Variants in PTGER1 observed in about 807,000 individuals in gnomAD.
PTGER1 encodes prostaglandin E2 receptor EP1 subtype.
PTGER1 carries 15 observed loss-of-function variants against 18.5 expected under a neutral mutation model. That is an observed-to-expected ratio of 0.81 (90% CI 0.54 to 1.25). The LOEUF (loss-of-function observed/expected upper bound fraction) is 1.25, where lower values mean the gene tolerates loss of function less well. PTGER1 is among the 50% of genes most tolerant of loss of function. The pLI, the probability that PTGER1 is intolerant of heterozygous loss-of-function variation, is 0.00. For synonymous variants in PTGER1, 339 were observed against 308.4 expected (o/e 1.10, Z -1.04); for missense variants, 567 against 603.4 (o/e 0.94, Z 0.63).
chr19:14,472,863 CGGGCGCAGGG>C (rs1036995670), intron 2 of PTGER1, 37 bp from the exon 3 acceptor site: 79 of 1,518,202 alleles, frequency 5.2e-5, no homozygotes, highest in Non-Finnish European at 6.6e-5. Context: ...AGAGCAGGCG[CGGGCGCAGGG>C]GGGCGCAGGG....
chr19:14,474,123 G>A lies in PTGER1; in HGVS notation c.198C>T (p.Arg66=), dbSNP rs753753222. 1.4e-6 allele frequency: 2 copies of A among 1,437,092 alleles called. No homozygotes were observed. The highest frequency in any genetic ancestry group is 2.8e-5 in the South Asian group (2 of 71,708). The allele number at this position is 1,437,092 out of a possible 1,614,324, so 89.0% of individuals were successfully genotyped here. The change falls in exon 2 of 3, where the codon CGC becomes CGT. Residue 66 remains arginine, a synonymous_variant. Transcript: ENST00000292513. This position sits in a 1 kb window ranked among gnomAD's most constrained non-coding sequence, Gnocchi z 5.4. ...GCAGGAAGGTGGCGGCCGAGCGGCG[G>A]CGTCGCAGGCGGCCCGCGGCCTGCG... The part of the protein sequence containing the change: ...LLAQAAGRLR[R]RRSAATFLLF...
chr19:14,474,464 G>T lies in PTGER1; in HGVS notation c.-17-127C>A. On this transcript the variant is annotated intron_variant, in intron 1 of 2. Transcript: ENST00000292513. The surrounding 1 kb of genome is among the most constrained non-coding windows in gnomAD (Gnocchi z 5.4). Reference sequence around the variant, plus strand: ...GTTCTCAGGCGGCCCCTCTGCCCATGGCAGTTGCCATGGGCAACTCCAAAT... The same window carrying T: ...GTTCTCAGGCGGCCCCTCTGCCCATTGCAGTTGCCATGGGCAACTCCAAAT... 1 of 1,111,940 alleles carries T rather than the reference G, an allele frequency of 9.0e-7. No homozygotes were observed. The highest frequency in any genetic ancestry group is 1.2e-6 in the Non-Finnish European group (1 of 836,242). 68.9% of individuals were successfully genotyped at this position (1,111,940 alleles called of 1,614,324 possible). A position where few individuals can be genotyped will look rare whatever the true frequency, so the allele number is the denominator to read the frequency against.
Position 14,473,430 on chromosome 19 carries a change from G to A in PTGER1, c.891C>T (p.Gly297=). Residue 297 remains glycine, a synonymous_variant, in exon 2 of 3, where the codon GGC becomes GGT. Coordinates refer to ENST00000292513, the MANE Select transcript of PTGER1 (RefSeq NM_000955.3). The surrounding 1 kb of genome is among the most constrained non-coding windows in gnomAD (Gnocchi z 7.1). ...RARAHDVEMV[G]QLVGIMVVSC... ...ACACCACCATGATACCGACAAGCTG[G>A]CCCACCATCTCCACGTCGTGGGCGC... 1 of 1,598,992 alleles carries A rather than the reference G, an allele frequency of 6.3e-7. No homozygotes were observed. Among genetic ancestry groups the A allele is most frequent in the Non-Finnish European group, 8.5e-7 (1 of 1,175,324 alleles).
chr19:14,473,403 C>G lies in PTGER1; in HGVS notation c.918G>C (p.Ser306=). 6.3e-7 allele frequency: 1 copy of G among 1,595,268 alleles called. No homozygotes were observed. The highest frequency in any genetic ancestry group is 8.5e-7 in the Non-Finnish European group (1 of 1,173,876). ...CCAGCATTGGGCTCCAGCAGATGCA[C>G]GACACCACCATGATACCGACAAGCT... ...VGQLVGIMVV[S]CICWSPMLVL... Residue 306 remains serine (S), a synonymous_variant, in exon 2 of 3, where the codon TCG becomes TCC. Transcript: ENST00000292513. The surrounding 1 kb of genome is among the most constrained non-coding windows in gnomAD (Gnocchi z 7.1).
chr19:14,473,798 G>A lies in PTGER1; in HGVS notation c.523C>T (p.Arg175Cys). The change falls in exon 2 of 3, where the codon CGC becomes TGC. Residue 175 changes from arginine (R) to cysteine (C), a missense_variant. Coordinates refer to ENST00000292513, the MANE Select transcript of PTGER1 (RefSeq NM_000955.3). The surrounding 1 kb of genome is among the most constrained non-coding windows in gnomAD (Gnocchi z 7.1). ...TACTGCAGCTCATAGCGGCCCACGC[G>A]CGCCAGCGGCAGCAGCGCCACGGCC... ...ALAVALLPLA[R>C]VGRYELQYPG... 2.1e-6 allele frequency: 3 copies of A among 1,411,976 alleles called. No homozygotes were observed. The highest frequency in any genetic ancestry group is 2.8e-6 in the Non-Finnish European group (3 of 1,082,904). 87.5% of individuals were successfully genotyped at this position (1,411,976 alleles called of 1,614,324 possible).
rs2071582358 is a variant in PTGER1, at chr19:14,473,244, G to A, written c.942+135C>T. On this transcript the variant is annotated intron_variant, in intron 2 of 2. Coordinates refer to ENST00000292513, the MANE Select transcript of PTGER1 (RefSeq NM_000955.3). This position sits in a 1 kb window ranked among gnomAD's most constrained non-coding sequence, Gnocchi z 7.1. ...GAAGGCGATGCTGGCTTTCGGGGCA[G>A]GTGGGGCCTCTAGGGGCCGGGGCCT... 13 of 1,436,170 alleles carry A rather than the reference G, an allele frequency of 9.1e-6. No individual in the cohort carries two copies. In the East Asian group the frequency reaches 2.0e-4, roughly 23 times the overall value. The allele number at this position is 1,436,170 out of a possible 1,614,324, so 89.0% of individuals were successfully genotyped here. A position where few individuals can be genotyped will look rare whatever the true frequency, so the allele number is the denominator to read the frequency against.
Position 14,473,946 on chromosome 19 carries a change from C to G in PTGER1, c.375G>C (p.Leu125=). ...CCACGGCCATGCCACAGCCCAGCAG[C>G]AGCGGGCACAGGCCGAAGAAGACCA... ...GCMVFFGLCP[L]LLGCGMAVER... Residue 125 remains leucine (L), a synonymous_variant, in exon 2 of 3, where the codon CTG becomes CTC. Transcript: ENST00000292513. This position sits in a 1 kb window ranked among gnomAD's most constrained non-coding sequence, Gnocchi z 7.1. 6.8e-7 allele frequency: 1 copy of G among 1,476,248 alleles called. No individual in the cohort carries two copies. The highest frequency in any genetic ancestry group is 8.9e-7 in the Non-Finnish European group (1 of 1,118,324). The allele number at this position is 1,476,248 out of a possible 1,614,324, so 91.4% of individuals were successfully genotyped here. A position where few individuals can be genotyped will look rare whatever the true frequency, so the allele number is the denominator to read the frequency against.
chr19:14,472,899 C>A lies in PTGER1; in HGVS notation c.943-73G>T, dbSNP rs1432926526. Reference sequence around the variant, plus strand: ...GGGCGCAGGGATGGTGGGGGCGTGGCTGGAAGGTAAAAGCCTGGGAGGAGG... The same window carrying A: ...GGGCGCAGGGATGGTGGGGGCGTGGATGGAAGGTAAAAGCCTGGGAGGAGG... On this transcript the variant is annotated intron_variant, in intron 2 of 2. Transcript: ENST00000292513. The A allele has an allele frequency of 9.1e-6, 13 of 1,434,012 alleles. 1 individual carries two copies. In the Middle Eastern group the frequency reaches 7.1e-4, roughly 78 times the overall value. 88.8% of individuals were successfully genotyped at this position (1,434,012 alleles called of 1,614,324 possible). A position where few individuals can be genotyped will look rare whatever the true frequency, so the allele number is the denominator to read the frequency against.
rs771874680 is a variant in PTGER1, at chr19:14,472,641, G to C, written c.1128C>G (p.Pro376=). Reference sequence around the variant, plus strand: ...CGCTCGGTGTTAGGCCCAGCCCCGCGGGGCCGCCCTTGGCTCCGGCCCTCG... The same window carrying C: ...CGCTCGGTGTTAGGCCCAGCCCCGCCGGGCCGCCCTTGGCTCCGGCCCTCG... ...LPPRAGAKGG[P]AGLGLTPSAW... is the part of the protein sequence containing the mutation. Residue 376 remains proline, a synonymous_variant, in exon 3 of 3, where the codon CCC becomes CCG. Coordinates refer to ENST00000292513, the MANE Select transcript of PTGER1 (RefSeq NM_000955.3). 1 of 1,607,216 alleles carries C rather than the reference G, an allele frequency of 6.2e-7. No individual in the cohort carries two copies. The highest frequency in any genetic ancestry group is 1.1e-5 in the South Asian group (1 of 90,430).
At position 14,473,907 on chromosome 19, in the gene PTGER1, G is replaced by C. The variant is rs1472833338; in HGVS notation, c.414C>G (p.Gly138=). ...CGGCGTGGAGCAGCGGCCGCGTGAC[G>C]CCCACGCAGCGCTCCACGGCCATGC... ...GCGMAVERCV[G]VTRPLLHAAR... The change falls in exon 2 of 3, where the codon GGC becomes GGG. Residue 138 remains glycine, a synonymous_variant. Transcript: ENST00000292513. The surrounding 1 kb of genome is among the most constrained non-coding windows in gnomAD (Gnocchi z 7.1). The C allele has an allele frequency of 7.3e-7, 1 of 1,370,756 alleles. No individual in the cohort carries two copies. Among genetic ancestry groups the C allele is most frequent in the South Asian group, 1.6e-5 (1 of 62,374 alleles). 84.9% of individuals were successfully genotyped at this position (1,370,756 alleles called of 1,614,324 possible).
Position 14,472,798 on chromosome 19 carries a change from C to T in PTGER1, c.971G>A (p.Trp324Ter). The change falls in exon 3 of 3, where the codon TGG becomes TAG. Residue 324 changes from tryptophan (W) to a stop codon, truncating the protein, a stop_gained. Coordinates refer to ENST00000292513, the MANE Select transcript of PTGER1 (RefSeq NM_000955.3). LOFTEE classifies it low-confidence loss of function (END_TRUNC). ...TGGCCGCTGCAGGGAGGTAGAGCTC[C>T]AGCCGCCGACGGCCAGCGCCACCAA... The part of the protein sequence containing the change: ...LVLVALAVGG[W>*]SSTSLQRPLF... 3 of 1,560,964 alleles carry T rather than the reference C, an allele frequency of 1.9e-6. No individual in the cohort carries two copies. The highest frequency in any genetic ancestry group is 1.4e-5 in the African/African-American group (1 of 73,630).
Position 14,474,454 on chromosome 19 carries a change from C to T in PTGER1, c.-17-117G>A. On this transcript the variant is annotated intron_variant, in intron 1 of 2. Transcript: ENST00000292513. This position sits in a 1 kb window ranked among gnomAD's most constrained non-coding sequence, Gnocchi z 5.4. ...ACTCCATGGCGTTCTCAGGCGGCCC[C>T]TCTGCCCATGGCAGTTGCCATGGGC... 8.3e-7 allele frequency: 1 copy of T among 1,205,388 alleles called. No individual in the cohort carries two copies. Among genetic ancestry groups the T allele is most frequent in the Non-Finnish European group, 1.1e-6 (1 of 917,748 alleles). The allele number at this position is 1,205,388 out of a possible 1,614,324, so 74.7% of individuals were successfully genotyped here.
In PTGER1 at chr19:14,474,069, G is replaced by A. The variant is rs772942187; in HGVS notation, c.252C>T (p.Asp84=). The change falls in exon 2 of 3, where the codon GAC becomes GAT. Residue 84 remains aspartate, a synonymous_variant. Transcript: ENST00000292513. This position sits in a 1 kb window ranked among gnomAD's most constrained non-coding sequence, Gnocchi z 5.4. The part of the protein sequence containing the change: ...LLFVASLLAT[D]LAGHVIPGAL... The stretch of plus-strand genomic sequence containing the variant: ...CGCCCGGGATCACGTGGCCCGCCAG[G>A]TCGGTGGCCAGCAGGCTGGCCACGA... 7 of 1,493,844 alleles carry A rather than the reference G, an allele frequency of 4.7e-6. No homozygotes were observed. In the South Asian group the frequency reaches 5.0e-5, roughly 11 times the overall value. 92.5% of individuals were successfully genotyped at this position (1,493,844 alleles called of 1,614,324 possible).
intron 1 of PTGER1, 67 bp downstream of exon 1, chr19:14,475,195 G>A: frequency 6.5e-6 from 1 of 153,280 alleles, no homozygotes; most frequent in Non-Finnish European, 1.5e-5. Context: ...ACAGCAGGTG[G>A]CCATGGCCCC....
chr19:14,474,994 GCC>G lies in PTGER1; in HGVS notation c.-18+266_-18+267del, dbSNP rs2071599050. ...CGATCACCTCTGCCTCACCCTGGGT[GCC>G]CACGGTTCCACTCCATATCCCTGCC... On this transcript the variant is annotated intron_variant, in intron 1 of 2. Transcript: ENST00000292513. The surrounding 1 kb of genome is among the most constrained non-coding windows in gnomAD (Gnocchi z 5.4). Among the ~76,000 whole-genome samples, 1 of 152,150 alleles carries G rather than the reference GCC, an allele frequency of 6.6e-6. No homozygotes were observed. The highest frequency in any genetic ancestry group is 1.5e-5 in the Non-Finnish European group (1 of 68,034).
Position 14,474,503 on chromosome 19 carries a change from C to A in PTGER1, c.-17-166G>T, listed in dbSNP as rs1362518968. ...GCAACTCCAAATGACCTGGCCACTCCATTTGGAAACCCTTCTCCCTCTCTT... is the reference window on the plus strand; with the variant it reads ...GCAACTCCAAATGACCTGGCCACTCAATTTGGAAACCCTTCTCCCTCTCTT... On this transcript the variant is annotated intron_variant, in intron 1 of 2. Coordinates refer to ENST00000292513, the MANE Select transcript of PTGER1 (RefSeq NM_000955.3). This position sits in a 1 kb window ranked among gnomAD's most constrained non-coding sequence, Gnocchi z 5.4. Among the ~76,000 whole-genome samples the A allele has an allele frequency of 2.0e-5, 3 of 152,116 alleles. No homozygotes were observed. The highest frequency in any genetic ancestry group is 1.3e-4 in the Admixed American group (2 of 15,276).
Position 14,474,239 on chromosome 19 carries a change from C to T in PTGER1, c.82G>A (p.Ala28Thr). 6.5e-7 allele frequency: 1 copy of T among 1,528,712 alleles called. No individual in the cohort carries two copies. The allele number at this position is 1,528,712 out of a possible 1,614,324, so 94.7% of individuals were successfully genotyped here. Reference protein sequence around the residue: ...CAAPWVPNTSAVPPSGASPAL... With the variant: ...CAAPWVPNTSTVPPSGASPAL... Reference sequence around the variant, plus strand: ...GGCGAAGCGCCCGACGGCGGCACGGCCGACGTGTTGGGGACCCAGGGCGCC... The same window carrying T: ...GGCGAAGCGCCCGACGGCGGCACGGTCGACGTGTTGGGGACCCAGGGCGCC... The change falls in exon 2 of 3, where the codon GCC becomes ACC. Residue 28 changes from alanine (A) to threonine (T), a missense_variant. Coordinates refer to ENST00000292513, the MANE Select transcript of PTGER1 (RefSeq NM_000955.3). This position sits in a 1 kb window ranked among gnomAD's most constrained non-coding sequence, Gnocchi z 5.4.
chr19:14,472,679 G>T lies in PTGER1; in HGVS notation c.1090C>A (p.Arg364Ser). The change falls in exon 3 of 3, where the codon CGC (arginine) becomes AGC (serine). Residue 364 changes from arginine to serine, a missense_variant. By Grantham distance (110) the Arg-to-Ser change is moderately radical. Coordinates refer to ENST00000292513, the MANE Select transcript of PTGER1 (RefSeq NM_000955.3). ...LRQAVLRQLL[R>S]LLPPRAGAKG... is the part of the protein sequence containing the mutation. ...GCTCCGGCCCTCGGGGGCAAGAGGC[G>T]AAGCAGTTGGCGCAGCACGGCCTGG... The T allele has an allele frequency of 6.2e-7, 1 of 1,611,680 alleles. No homozygotes were observed.
At position 14,474,450 on chromosome 19, in the gene PTGER1, G is replaced by T; in HGVS notation, c.-17-113C>A. 1.6e-6 allele frequency: 2 copies of T among 1,215,810 alleles called. No individual in the cohort carries two copies. The highest frequency in any genetic ancestry group is 2.2e-6 in the Non-Finnish European group (2 of 927,846). The allele number at this position is 1,215,810 out of a possible 1,614,324, so 75.3% of individuals were successfully genotyped here. ...TTTGACTCCATGGCGTTCTCAGGCG[G>T]CCCCTCTGCCCATGGCAGTTGCCAT... On this transcript the variant is annotated intron_variant, in intron 1 of 2. Transcript: ENST00000292513. The surrounding 1 kb of genome is among the most constrained non-coding windows in gnomAD (Gnocchi z 5.4).
Sources: gnomAD v4.1 joint callset for allele counts (sites outside exome capture counted in the v4.1 genomes callset) on GRCh38, gnomAD v4.1.1 for gene constraint, Gnocchi (gnomAD v3.1) non-coding constraint, MANE v1.5 for transcripts, NCBI Gene and HGNC (gene_info 2026-07-23, HGNC 2026-07-21) for gene names.